Variants in STPG2 observed in about 807,000 individuals in gnomAD.
The protein encoded by STPG2 is sperm-tail PG-rich repeat-containing protein 2.
In STPG2, 56 loss-of-function variants were observed where a neutral mutation model predicts 54.2. The observed-to-expected ratio is 1.03, with a 90% CI of 0.83 to 1.29. The LOEUF is 1.29. Ranked by LOEUF, STPG2 falls within the 50% of genes most tolerant of loss-of-function variation. The pLI is 0.00. For missense variants in STPG2, 596 were observed against 544.9 expected (o/e 1.09, Z -0.93); for synonymous variants, 200 against 181.8 (o/e 1.10, Z -0.81).
intron 10 of STPG2, among the ~76,000 whole-genome samples, chr4:97,584,608 T>C (rs1302157725): frequency 6.6e-6 from 1 of 151,614 alleles, no homozygotes; most frequent in Non-Finnish European, 1.5e-5. Flanking sequence ...TTTGAAAAGA[T>C]AAACAAAAAT....
chr4:98,122,178 G>T lies in STPG2; in HGVS notation c.387+6250C>A, dbSNP rs754322591. On this transcript the variant is annotated intron_variant, in intron 3 of 10. Coordinates refer to ENST00000295268, the MANE Select transcript of STPG2 (RefSeq NM_174952.3). ...AATTTGACTTCCTCTCTTCTTATTT[G>T]AATAAACTTTATGTCTCTCTCTTGC... Among the ~76,000 whole-genome samples the T allele has an allele frequency of 8.3e-4, 126 of 152,246 alleles. 2 individuals carry two copies. Among genetic ancestry groups the T allele is most frequent in the Non-Finnish European group, 1.9e-4 (13 of 68,004 alleles).
chr4:97,659,044 C>T (rs1722298101), intron 10 of STPG2, among the ~76,000 whole-genome samples: 1 of 151,982 alleles, frequency 6.6e-6, no homozygotes, highest in Non-Finnish European at 1.5e-5. Flanking sequence ...GTTTTGATTC[C>T]TACAGTAAAT....
chr4:97,808,544 C>T (rs546138519), intron 9 of STPG2, among the ~76,000 whole-genome samples: 12 of 151,014 alleles, frequency 7.9e-5, no homozygotes, highest in East Asian at 1.9e-4. Flanking sequence ...GCAATAAAAA[C>T]GCAGAAATAG....
At chr4:97,460,030 C>G (rs1413482946) in intron 4 of STPG2, among the ~76,000 whole-genome samples, 1 of 152,120 alleles carries the variant, frequency 6.6e-6, no homozygotes, top group Non-Finnish European at 1.5e-5. Context: ...AACACTAGGC[C>G]ATTCACATCA....
intron 9 of STPG2, among the ~76,000 whole-genome samples, chr4:97,803,075 T>A (rs916587835): frequency 6.6e-6 from 1 of 152,180 alleles, no homozygotes; most frequent in Admixed American, 6.5e-5. Flanking sequence ...GAAATAAGAC[T>A]ATTATTGGAA....
chr4:97,448,577 G>A (rs1334107995), intron 4 of STPG2, among the ~76,000 whole-genome samples: 1 of 152,062 alleles, frequency 6.6e-6, no homozygotes, highest in African/African-American at 2.4e-5. Context: ...CTCCCACCTT[G>A]TGAAGAAGGT....
chr4:97,738,136 A>C (rs1725081984), intron 9 of STPG2, among the ~76,000 whole-genome samples: 1 of 152,172 alleles, frequency 6.6e-6, no homozygotes, highest in South Asian at 2.1e-4. Flanking sequence ...AGGAGAAACA[A>C]AATACTTTAC....
In STPG2 at chr4:98,053,633, T is replaced by G. The variant is rs1737396932; in HGVS notation, c.612+52320A>C. Among the ~76,000 whole-genome samples the G allele has an allele frequency of 2.0e-5, 3 of 152,152 alleles. No individual in the cohort carries two copies. The South Asian group carries it at 6.2e-4, about 31-fold the overall frequency. On this transcript the variant is annotated intron_variant, in intron 5 of 10. Coordinates refer to ENST00000295268, the MANE Select transcript of STPG2 (RefSeq NM_174952.3). ...CTTCAAATGTACTTCCTCCTTCCAT[T>G]TTCTTCTGTACATCAGTTTAGATGA...
At chr4:97,443,273 C>G (rs137899151) in intron 4 of STPG2, among the ~76,000 whole-genome samples, 1 of 152,092 alleles carries the variant, frequency 6.6e-6, no homozygotes, top group African/African-American at 2.4e-5. Flanking sequence ...TAAGCTGAGA[C>G]TTTGGCCTTA....
At position 97,548,354 on chromosome 4, in the gene STPG2, C is replaced by CA. The variant is rs1731891350; in HGVS notation, c.462+164344dup. On this transcript the variant is annotated intron_variant, in intron 4 of 4. Coordinates refer to the STPG2 transcript ENST00000522676. The stretch of plus-strand genomic sequence containing the variant: ...GCTACTGATGTCATGAAAGCTGAAA[C>CA]AAAAAACGAAACAAAACAAAAAATG... Among the ~76,000 whole-genome samples the CA allele has an allele frequency of 7.2e-5, 11 of 151,982 alleles. No homozygotes were observed. The South Asian group carries it at 2.3e-3, about 32-fold the overall frequency.
intron 10 of STPG2, among the ~76,000 whole-genome samples, chr4:97,584,221 A>C (rs1160115444): frequency 1.3e-5 from 2 of 152,030 alleles, no homozygotes; most frequent in African/African-American, 4.8e-5. Flanking sequence ...CATTAACTCC[A>C]AAAGAAACCC....
chr4:97,560,227 TAC>T (rs1416555506), intron 10 of STPG2, among the ~76,000 whole-genome samples: 1 of 152,162 alleles, frequency 6.6e-6, no homozygotes, highest in Non-Finnish European at 1.5e-5. Context: ...ATCGGAAAAT[TAC>T]TCTGTTTCCT....
intron 9 of STPG2, among the ~76,000 whole-genome samples, chr4:97,833,394 A>G (rs950932369): frequency 6.6e-6 from 1 of 152,226 alleles, no homozygotes; most frequent in African/African-American, 2.4e-5. Flanking sequence ...ACTTAAAACC[A>G]TAAAAACCCC....
intron 10 of STPG2, among the ~76,000 whole-genome samples, chr4:97,597,069 A>C (rs932612889): frequency 3.3e-5 from 5 of 152,156 alleles, no homozygotes; most frequent in African/African-American, 1.2e-4. Flanking sequence ...AGAAAAAATG[A>C]CAAAGGAGTC....
intron 10 of STPG2, among the ~76,000 whole-genome samples, chr4:97,592,174 T>G (rs1423244989): frequency 1.3e-5 from 2 of 152,088 alleles, no homozygotes; most frequent in Non-Finnish European, 2.9e-5. Flanking sequence ...TGGTAAAATT[T>G]TTTAATTACC....
chr4:97,680,618 T>A (rs1172201627), intron 10 of STPG2, among the ~76,000 whole-genome samples: 1 of 152,132 alleles, frequency 6.6e-6, no homozygotes, highest in Non-Finnish European at 1.5e-5. Flanking sequence ...GAATACCCTT[T>A]ATTTCCTTCT....
intron 5 of STPG2, among the ~76,000 whole-genome samples, chr4:98,088,810 C>A (rs1738602662): frequency 6.6e-6 from 1 of 152,062 alleles, no homozygotes; most frequent in African/African-American, 2.4e-5. Context: ...TTCCATCCAA[C>A]CATTCTTCTC....
intron 10 of STPG2, among the ~76,000 whole-genome samples, chr4:97,683,064 T>C (rs888113280): frequency 1.3e-5 from 2 of 151,922 alleles, no homozygotes; most frequent in South Asian, 4.1e-4. Flanking sequence ...TACTATTTCA[T>C]GATACTGGCA....
intron 8 of STPG2, among the ~76,000 whole-genome samples, chr4:97,864,589 A>T (rs1015880159): frequency 6.6e-6 from 1 of 152,090 alleles, no homozygotes; most frequent in African/African-American, 2.4e-5. Flanking sequence ...GGAAAAAAAC[A>T]ACTTTAAAGT....
Sources: allele counts gnomAD v4.1 joint callset (sites outside exome capture counted in the v4.1 genomes callset), GRCh38; gene constraint gnomAD v4.1.1; transcripts MANE v1.5; gene names NCBI Gene and HGNC (gene_info 2026-07-23, HGNC 2026-07-21).